SOHLH2: variants seen among roughly 807,000 people sequenced by gnomAD.
SOHLH2 encodes spermatogenesis and oogenesis specific basic helix-loop-helix 2.
SOHLH2 carries 22 observed loss-of-function variants against 50.4 expected under a neutral mutation model. The observed-to-expected ratio is 0.44, with a 90% CI of 0.31 to 0.62. The LOEUF (loss-of-function observed/expected upper bound fraction) is 0.62, where lower values mean the gene tolerates loss of function less well. Among genes scored for constraint, SOHLH2 ranks in the 20% least tolerant of loss-of-function variants. SOHLH2 has a pLI of 0.08. For synonymous variants in SOHLH2, 185 were observed against 187.3 expected (o/e 0.99, Z 0.10); for missense variants, 412 against 504.4 (o/e 0.82, Z 1.76).
Position 36,174,854 on chromosome 13 carries a change from A to G in SOHLH2, c.657T>C (p.Tyr219=). 6.3e-7 allele frequency: 1 copy of G among 1,579,292 alleles called. No homozygotes were observed. The highest frequency in any genetic ancestry group is 8.6e-7 in the Non-Finnish European group (1 of 1,169,330). The change falls in exon 7 of 11, where the codon TAT becomes TAC. Residue 219 remains tyrosine (Y), a synonymous_variant. Coordinates refer to ENST00000379881, the MANE Select transcript of SOHLH2 (RefSeq NM_017826.3). The part of the protein sequence containing the change: ...KEKLRRERIK[Y]CCEQLRTLLP... Reference sequence around the variant, plus strand: ...AGAGAGTACGCAGCTGCTCACAGCAATATTTGATTCTTTCCCTGGACACAG... The same window carrying G: ...AGAGAGTACGCAGCTGCTCACAGCAGTATTTGATTCTTTCCCTGGACACAG...
rs2138264727 is a variant in SOHLH2, at chr13:36,171,430, C to T, written c.1001-643G>A. On this transcript the variant is annotated intron_variant, in intron 9 of 10. Coordinates refer to ENST00000379881, the MANE Select transcript of SOHLH2 (RefSeq NM_017826.3). ...TACAGATCAGGCTCAGCACAGAAAC[C>T]CTGGGACCTTGGGTGATCATTTAAC... Among the ~76,000 whole-genome samples the T allele has an allele frequency of 2.0e-5, 3 of 152,210 alleles. No homozygotes were observed. In the South Asian group the frequency reaches 6.2e-4, roughly 32 times the overall value.
chr13:36,169,013 G>A lies in SOHLH2; in HGVS notation c.*21C>T. Reference sequence around the variant, plus strand: ...CTGCGCCCAGTAGGTGGTTGAGAGTGTGAATTTCAAACATGTGCTTTTAAT... The same window carrying A: ...CTGCGCCCAGTAGGTGGTTGAGAGTATGAATTTCAAACATGTGCTTTTAAT... On this transcript the variant is annotated 3_prime_UTR_variant, in exon 11 of 11. Coordinates refer to ENST00000379881, the MANE Select transcript of SOHLH2 (RefSeq NM_017826.3). 5 of 1,604,140 alleles carry A rather than the reference G, an allele frequency of 3.1e-6. No homozygotes were observed. The highest frequency in any genetic ancestry group is 2.5e-6 in the Non-Finnish European group (3 of 1,176,972).
chr13:36,168,270 A>G lies in SOHLH2; in HGVS notation c.*764T>C, dbSNP rs1401257668. On this transcript the variant is annotated 3_prime_UTR_variant, in exon 11 of 11. Coordinates refer to ENST00000379881, the MANE Select transcript of SOHLH2 (RefSeq NM_017826.3). ...ATAATAAAACTTACATATAAGAACA[A>G]TTCAGTGAAATATAAAACAAACCTT... 5 of 152,328 alleles carry G rather than the reference A, an allele frequency of 3.3e-5. No individual in the cohort carries two copies. The highest frequency in any genetic ancestry group is 1.2e-4 in the African/African-American group (5 of 41,470). The allele number at this position is 152,328 out of a possible 1,614,324, so 9.4% of individuals were successfully genotyped here.
intron 1 of SOHLH2, among the ~76,000 whole-genome samples, chr13:36,204,096 G>A (rs531837543): frequency 4.6e-5 from 7 of 151,682 alleles, no homozygotes; most frequent in South Asian, 4.2e-4. Flanking sequence ...GATTACAGGT[G>A]CCCACCACCA....
intron 6 of SOHLH2, among the ~76,000 whole-genome samples, chr13:36,183,402 A>G (rs1434443268): frequency 1.3e-5 from 2 of 152,228 alleles, no homozygotes; most frequent in South Asian, 2.1e-4. Context: ...GTAGATTATG[A>G]TAAGTTAAAG....
chr13:36,174,986 T>C (rs944078850), intron 6 of SOHLH2, 117 bp from the exon 7 acceptor site: 3 of 1,370,284 alleles, frequency 2.2e-6, no homozygotes, highest in Non-Finnish European at 2.9e-6. Flanking sequence ...CCTCCCTATA[T>C]AGTCTCCATT....
At chr13:36,193,210 ATTAACT>A (rs1336816515) in intron 4 of SOHLH2, among the ~76,000 whole-genome samples, 2 of 152,260 alleles carry the variant, frequency 1.3e-5, no homozygotes, top group Non-Finnish European at 2.9e-5. Flanking sequence ...CAACCACCCT[ATTAACT>A]TTAAGAAGTA....
At chr13:36,206,974 T>C (rs987708020) in intron 1 of SOHLH2, among the ~76,000 whole-genome samples, 13 of 151,784 alleles carry the variant, frequency 8.6e-5, no homozygotes, top group African/African-American at 3.1e-4. Flanking sequence ...ATATAAAACA[T>C]ACCTCCTTGC....
At chr13:36,195,358 G>C (rs1887693717) in intron 2 of SOHLH2, among the ~76,000 whole-genome samples, 1 of 152,122 alleles carries the variant, frequency 6.6e-6, no homozygotes, top group African/African-American at 2.4e-5. Flanking sequence ...CCCTGGGGTG[G>C]TCGAGAACAG....
In SOHLH2 at chr13:36,201,983, C is replaced by T. The variant is rs771419979; in HGVS notation, c.159G>A (p.Thr53=). 22 of 1,614,068 alleles carry T rather than the reference C, an allele frequency of 1.4e-5. No individual in the cohort carries two copies. The highest frequency in any genetic ancestry group is 1.8e-5 in the Non-Finnish European group (21 of 1,180,038). The change falls in exon 2 of 11, where the codon ACG becomes ACA. Residue 53 remains threonine, a synonymous_variant. Transcript: ENST00000379881. ...IAEVTITISD[T]KEAAALLDDC... ...CATCCAAAAGCGCTGCTGCCTCCTT[C>T]GTGTCACTGATGGTGATGGTGACTT...
At chr13:36,182,414 A>G (rs1375607078) in intron 6 of SOHLH2, 4 of 380,194 alleles carry the variant, frequency 1.1e-5, no homozygotes, top group Non-Finnish European at 1.4e-5. Context: ...TAATCAAAAG[A>G]TATCTGGAGA....
At chr13:36,211,556 G>A (rs922284708) in intron 1 of SOHLH2, among the ~76,000 whole-genome samples, 9 of 152,218 alleles carry the variant, frequency 5.9e-5, no homozygotes, top group African/African-American at 2.2e-4. Flanking sequence ...AGTATGACCA[G>A]TTCTACTAAG....
intron 2 of SOHLH2, among the ~76,000 whole-genome samples, chr13:36,198,959 T>C (rs139817692): frequency 1.3e-5 from 2 of 152,254 alleles, no homozygotes; most frequent in Non-Finnish European, 2.9e-5. Context: ...TAGACCTACA[T>C]AGCTTTTGAA....
chr13:36,209,457 G>A (rs1464342391), intron 1 of SOHLH2, among the ~76,000 whole-genome samples: 1 of 152,070 alleles, frequency 6.6e-6, no homozygotes, highest in Non-Finnish European at 1.5e-5. Flanking sequence ...CAAGATCACA[G>A]CACTGGCAGA....
At chr13:36,198,882 C>T (rs948891958) in intron 2 of SOHLH2, among the ~76,000 whole-genome samples, 2 of 152,174 alleles carry the variant, frequency 1.3e-5, no homozygotes, top group African/African-American at 4.8e-5. Flanking sequence ...ATCAATTCCT[C>T]ATTCATTGAC....
chr13:36,207,874 C>G (rs556131060), intron 1 of SOHLH2, among the ~76,000 whole-genome samples: 64 of 152,264 alleles, frequency 4.2e-4, no homozygotes, highest in African/African-American at 1.5e-3. Context: ...GACATGAGCG[C>G]CCCCTTCTTA....
intron 5 of SOHLH2, among the ~76,000 whole-genome samples, chr13:36,191,011 A>G (rs1292659957): frequency 2.0e-5 from 3 of 152,212 alleles, no homozygotes. Context: ...CATCATCAGT[A>G]CGCATGCCCT....
At chr13:36,203,361 T>C (rs138878112) in intron 1 of SOHLH2, among the ~76,000 whole-genome samples, 42 of 152,348 alleles carry the variant, frequency 2.8e-4, no homozygotes, top group Non-Finnish European at 3.7e-4. Context: ...TTTATTCTCA[T>C]AAAAATACGT....
intron 1 of SOHLH2, among the ~76,000 whole-genome samples, chr13:36,211,888 T>C (rs1329016061): frequency 1.3e-5 from 2 of 152,174 alleles, no homozygotes; most frequent in Non-Finnish European, 2.9e-5. Context: ...TGCTGGGCTC[T>C]GCACTGTTTG....
Sources: allele counts gnomAD v4.1 joint callset (sites outside exome capture counted in the v4.1 genomes callset), GRCh38; gene constraint gnomAD v4.1.1; transcripts MANE v1.5; gene names NCBI Gene and HGNC (gene_info 2026-07-23, HGNC 2026-07-21).